The following NUP133 variants were observed in gnomAD, a reference collection of about 807,000 sequenced individuals.
NUP133 encodes nucleoporin 133, also known as nuclear pore complex protein Nup133.
Under a neutral mutation model 146.2 loss-of-function variants are expected in NUP133, and 66 were observed. The observed-to-expected ratio is 0.45, with a 90% CI of 0.37 to 0.55. The LOEUF is 0.55. NUP133 is among the 20% of genes least tolerant of loss of function. The probability of loss-of-function intolerance (pLI) is 0.00; values close to 1 mark genes in which losing one functional copy is unlikely to be tolerated. For missense variants in NUP133, 1,277 were observed against 1,374.8 expected, an observed-to-expected ratio of 0.93 and a Z score of 1.12; for synonymous variants, 521 against 498.8, an observed-to-expected ratio of 1.04 and a Z score of -0.59.
chr1:229,499,849 A>G (rs748422749), intron 4 of NUP133, 31 bp from the exon 5 acceptor site: 1 of 1,589,418 alleles, frequency 6.3e-7, no homozygotes. Context: ...ATCAGCAATC[A>G]CAATAAAAGA....
intron 15 of NUP133, 91 bp from the exon 16 acceptor site, chr1:229,466,847 C>T: frequency 8.2e-7 from 1 of 1,221,902 alleles, no homozygotes; most frequent in South Asian, 1.6e-5. Context: ...TAAGCCATAT[C>T]CTCAGACCTA....
At chr1:229,460,571 T>A in intron 20 of NUP133, 40 bp downstream of exon 20, 1 of 1,568,290 alleles carries the variant, frequency 6.4e-7, no homozygotes, top group Non-Finnish European at 8.7e-7. Flanking sequence ...ACTACCTAAA[T>A]AAATTGCACA....
At chr1:229,492,684 T>C (rs575599807) in intron 8 of NUP133, among the ~76,000 whole-genome samples, 18 of 152,128 alleles carry the variant, frequency 1.2e-4, no homozygotes, top group Non-Finnish European at 2.2e-4. Flanking sequence ...AAATATCATA[T>C]GTTCTCACCT....
intron 23 of NUP133, among the ~76,000 whole-genome samples, 167 bp from the exon 24 acceptor site, chr1:229,449,357 G>A (rs370921125): frequency 8.6e-4 from 131 of 151,740 alleles, no homozygotes; most frequent in African/African-American, 3.0e-3. Context: ...CCTTGAGAGG[G>A]GTAAGAGTTT....
intron 8 of NUP133, among the ~76,000 whole-genome samples, 187 bp downstream of exon 8, chr1:229,495,308 T>C (rs1349363112): frequency 6.6e-6 from 1 of 152,148 alleles, no homozygotes; most frequent in Non-Finnish European, 1.5e-5. Context: ...GAAGGATCAC[T>C]TCAGCCCAGG....
chr1:229,506,464 T>TTTTC (rs1661941051), intron 1 of NUP133, among the ~76,000 whole-genome samples: 1 of 151,756 alleles, frequency 6.6e-6, no homozygotes, highest in African/African-American at 2.4e-5. Context: ...TTTTTTTTTT[T>TTTTC]TTTCAAACAG....
intron 14 of NUP133, 24 bp downstream of exon 14, chr1:229,475,614 G>T (rs1237649747): frequency 6.4e-7 from 1 of 1,574,090 alleles, no homozygotes. Context: ...GCAGAGCCCT[G>T]TGCCCAGCAC....
At chr1:229,474,298 T>C (rs1172726883) in intron 14 of NUP133, among the ~76,000 whole-genome samples, 1 of 152,182 alleles carries the variant, frequency 6.6e-6, no homozygotes, top group African/African-American at 2.4e-5. Flanking sequence ...GCCACTGTGT[T>C]TTGGGGTGGT....
chr1:229,464,279 C>A (rs376127134), intron 18 of NUP133, among the ~76,000 whole-genome samples: 3 of 152,206 alleles, frequency 2.0e-5, no homozygotes, highest in African/African-American at 4.8e-5. Context: ...CTTTGCCAAA[C>A]AGCCATAATA....
At chr1:229,483,361 A>G (rs1208096100) in intron 12 of NUP133, among the ~76,000 whole-genome samples, 1 of 152,144 alleles carries the variant, frequency 6.6e-6, no homozygotes. Context: ...TCAGCCTCCC[A>G]AAGTGCTGGA....
intron 22 of NUP133, 54 bp from the exon 23 acceptor site, chr1:229,450,659 G>GAGACATTTATGGAGAAA (rs1660426888): frequency 2.3e-6 from 2 of 855,262 alleles, no homozygotes; most frequent in East Asian, 2.6e-5. Context: ...ACTAATACTA[G>GAGACATTTATGGAGAAA]AGACATTTAT....
At chr1:229,498,354 A>C (rs202048506) in intron 5 of NUP133, 48 bp from the exon 6 acceptor site, 3 of 1,353,282 alleles carry the variant, frequency 2.2e-6, no homozygotes, top group Non-Finnish European at 3.0e-6. Context: ...TCGAATGCTA[A>C]GATAAAATGA....
At chr1:229,465,304 A>C (rs561830277) in intron 17 of NUP133, 116 bp downstream of exon 17, 1 of 760,462 alleles carries the variant, frequency 1.3e-6, no homozygotes, top group East Asian at 2.5e-5. Flanking sequence ...CTCATTTTGG[A>C]GACGGCACTT....
At chr1:229,501,533 G>A (rs1661797418) in intron 3 of NUP133, among the ~76,000 whole-genome samples, 1 of 152,200 alleles carries the variant, frequency 6.6e-6, no homozygotes, top group Admixed American at 6.5e-5. Flanking sequence ...TACGTTACTA[G>A]ACATGCAAAT....
chr1:229,480,467 T>C (rs533710643), intron 12 of NUP133, among the ~76,000 whole-genome samples: 1 of 152,204 alleles, frequency 6.6e-6, no homozygotes, highest in African/African-American at 2.4e-5. Context: ...ACAAAAGATT[T>C]AGTGTTTTTT....
At chr1:229,473,244 T>C (rs976823058) in intron 14 of NUP133, among the ~76,000 whole-genome samples, 1 of 152,132 alleles carries the variant, frequency 6.6e-6, no homozygotes, top group African/African-American at 2.4e-5. Flanking sequence ...AGAGACCCTG[T>C]ATCCAAACAA....
At chr1:229,474,798 GT>G (rs1661036904) in intron 14 of NUP133, among the ~76,000 whole-genome samples, 1 of 152,102 alleles carries the variant, frequency 6.6e-6, no homozygotes, top group Non-Finnish European at 1.5e-5. Context: ...GCACTACTGA[GT>G]TTGAAAAACA....
chr1:229,479,579 G>C (rs1661160253), intron 12 of NUP133, among the ~76,000 whole-genome samples: 1 of 152,180 alleles, frequency 6.6e-6, no homozygotes, highest in African/African-American at 2.4e-5. Flanking sequence ...TGACTCCTCT[G>C]TTGTTGCTTT....
chr1:229,501,098 ACTATC>A, intron 3 of NUP133, among the ~76,000 whole-genome samples: 1 of 152,352 alleles, frequency 6.6e-6, no homozygotes, highest in East Asian at 1.9e-4. Context: ...CTGAAGAACA[ACTATC>A]CTAACCTCTT....
Sources: gnomAD v4.1 joint callset for allele counts (sites outside exome capture counted in the v4.1 genomes callset) on GRCh38, gnomAD v4.1.1 for gene constraint, MANE v1.5 for transcripts, NCBI Gene and HGNC (gene_info 2026-07-23, HGNC 2026-07-21) for gene names.